The following OPCML variants were observed in gnomAD, a reference collection of about 807,000 sequenced individuals.
OPCML encodes opioid-binding protein/cell adhesion molecule.
OPCML carries 13 observed loss-of-function variants against 37.8 expected under a neutral mutation model. The ratio of observed to expected loss-of-function variants is 0.34; its 90% confidence interval spans 0.22 to 0.55. The LOEUF is 0.55. OPCML is among the 20% of genes least tolerant of loss of function. OPCML has a pLI of 0.91. For missense variants in OPCML, 341 were observed against 435.6 expected, an observed-to-expected ratio of 0.78 and a Z score of 1.93; for synonymous variants, 176 against 168.8, an observed-to-expected ratio of 1.04 and a Z score of -0.33.
chr11:133,216,572 A>C (rs559220365), intron 1 of OPCML, among the ~76,000 whole-genome samples: 1 of 152,264 alleles, frequency 6.6e-6, no homozygotes, highest in South Asian at 2.1e-4. Context: ...TTTTATATTC[A>C]TTATCTTATT....
intron 7 of OPCML, among the ~76,000 whole-genome samples, chr11:132,427,238 T>G (rs1435924450): frequency 6.6e-6 from 1 of 152,136 alleles, no homozygotes; most frequent in Admixed American, 6.5e-5. Context: ...GAAGATACGG[T>G]TTTGTTCTGA....
At chr11:132,792,505 C>T (rs1007282902) in intron 2 of OPCML, among the ~76,000 whole-genome samples, 11 of 152,216 alleles carry the variant, frequency 7.2e-5, no homozygotes, top group Non-Finnish European at 1.0e-4. Flanking sequence ...CTCTCCCCAC[C>T]CCCATTTCCA....
intron 2 of OPCML, among the ~76,000 whole-genome samples, chr11:132,857,070 T>C (rs1366677883): frequency 6.6e-6 from 1 of 152,222 alleles, no homozygotes; most frequent in Non-Finnish European, 1.5e-5. Context: ...TTTACCAATG[T>C]TAACAATTGT....
chr11:132,618,890 G>A (rs1359080237), intron 3 of OPCML, among the ~76,000 whole-genome samples: 1 of 151,084 alleles, frequency 6.6e-6, no homozygotes, highest in Non-Finnish European at 1.5e-5. Flanking sequence ...AATTGCCCCT[G>A]CAGCCAGAAT....
At chr11:133,280,482 G>A (rs1416460848) in intron 1 of OPCML, among the ~76,000 whole-genome samples, 1 of 152,152 alleles carries the variant, frequency 6.6e-6, no homozygotes, top group Non-Finnish European at 1.5e-5. Flanking sequence ...CACTTCATTA[G>A]GGACACCTAC....
intron 1 of OPCML, among the ~76,000 whole-genome samples, chr11:133,416,017 C>T (rs1945755339): frequency 6.6e-6 from 1 of 152,162 alleles, no homozygotes; most frequent in Non-Finnish European, 1.5e-5. Context: ...AAACACAGGC[C>T]TATCAATATT....
At chr11:133,319,907 A>G (rs1943290580) in intron 1 of OPCML, among the ~76,000 whole-genome samples, 1 of 152,154 alleles carries the variant, frequency 6.6e-6, no homozygotes, top group Admixed American at 6.5e-5. Context: ...GAAAAAACAG[A>G]ATTTTTTGGA....
intron 2 of OPCML, among the ~76,000 whole-genome samples, chr11:132,696,475 A>G (rs973810329): frequency 1.3e-5 from 2 of 152,224 alleles, no homozygotes; most frequent in African/African-American, 4.8e-5. Context: ...TCTAATTGGT[A>G]TTCTTAGAGA....
At chr11:133,069,333 G>A (rs1232774785) in intron 1 of OPCML, among the ~76,000 whole-genome samples, 2 of 152,278 alleles carry the variant, frequency 1.3e-5, no homozygotes, top group East Asian at 3.9e-4. Flanking sequence ...TTAAGTGACA[G>A]AATGCAAACT....
intron 1 of OPCML, among the ~76,000 whole-genome samples, chr11:133,060,762 C>T (rs561986211): frequency 5.9e-5 from 9 of 152,352 alleles, no homozygotes; most frequent in South Asian, 4.1e-4. Flanking sequence ...GGGCTGGGAA[C>T]GCTGCACACA....
intron 2 of OPCML, among the ~76,000 whole-genome samples, chr11:132,830,339 T>C (rs1392386077): frequency 2.0e-5 from 3 of 152,172 alleles, no homozygotes; most frequent in Non-Finnish European, 4.4e-5. Flanking sequence ...AACATACCCA[T>C]AAAGCGGTGT....
intron 1 of OPCML, among the ~76,000 whole-genome samples, chr11:133,273,559 A>G (rs1941910998): frequency 6.6e-6 from 1 of 151,476 alleles, no homozygotes; most frequent in Admixed American, 6.6e-5. Context: ...AGGAGACAGA[A>G]GCTTTTTTTT....
chr11:132,539,480 G>A (rs575883255), intron 3 of OPCML, among the ~76,000 whole-genome samples: 1 of 152,330 alleles, frequency 6.6e-6, no homozygotes, highest in Admixed American at 6.5e-5. Context: ...TGTAACAGCA[G>A]TTGGGCTATA....
chr11:132,420,336 A>C, intron 7 of OPCML, 43 bp from the exon 8 acceptor site: 1 of 1,606,776 alleles, frequency 6.2e-7, no homozygotes, highest in Non-Finnish European at 8.5e-7. Flanking sequence ...CATACACCCA[A>C]GGACACCATA....
intron 2 of OPCML, among the ~76,000 whole-genome samples, chr11:132,697,878 A>G (rs1943653509): frequency 6.6e-6 from 1 of 151,668 alleles, no homozygotes; most frequent in South Asian, 2.1e-4. Flanking sequence ...TAATCCTCTC[A>G]CCTTAGCCTC....
At chr11:133,099,089 TAA>T (rs1196264686) in intron 1 of OPCML, among the ~76,000 whole-genome samples, 2 of 151,970 alleles carry the variant, frequency 1.3e-5, no homozygotes, top group African/African-American at 2.4e-5. Flanking sequence ...ACCCCCAAAA[TAA>T]AAGAGATAAA....
intron 1 of OPCML, among the ~76,000 whole-genome samples, chr11:133,186,583 C>T (rs991031606): frequency 6.6e-6 from 1 of 152,104 alleles, no homozygotes; most frequent in Non-Finnish European, 1.5e-5. Context: ...CTCACCTCCT[C>T]GCTATTCTCA....
intron 1 of OPCML, among the ~76,000 whole-genome samples, chr11:133,032,150 C>A (rs1315622683): frequency 6.6e-6 from 1 of 152,198 alleles, no homozygotes; most frequent in African/African-American, 2.4e-5. Flanking sequence ...CTTCCACATT[C>A]ACTGGGATCT....
rs2095940208 is a variant in OPCML at position 132,416,794 on chromosome 11, CTA to C, written c.*3397_*3398del. On this transcript the variant is annotated 3_prime_UTR_variant, in exon 8 of 8. Transcript: ENST00000524381. The stretch of plus-strand genomic sequence containing the variant: ...TGTACATGTTTTCACAACCACTTCT[CTA>C]CATCTCCCCCTCCCTGAATTAAAGC... The C allele has an allele frequency of 6.6e-6, 1 of 152,632 alleles. No individual in the cohort carries two copies. Among genetic ancestry groups the C allele is most frequent in the Non-Finnish European group, 1.5e-5 (1 of 68,042 alleles). The allele number at this position is 152,632 out of a possible 1,614,324, so 9.5% of individuals were successfully genotyped here.
Sources: gnomAD v4.1 joint callset for allele counts (sites outside exome capture counted in the v4.1 genomes callset) on GRCh38, gnomAD v4.1.1 for gene constraint, MANE v1.5 for transcripts, NCBI Gene and HGNC (gene_info 2026-07-23, HGNC 2026-07-21) for gene names.